ADGRV1: variants seen among roughly 807,000 people sequenced by gnomAD.
ADGRV1 encodes the protein adhesion G protein-coupled receptor V1, also known as G-protein coupled receptor 98.
In ADGRV1, 359 loss-of-function variants were observed where a neutral mutation model predicts 596.2. The ratio of observed to expected loss-of-function variants is 0.60; its 90% CI spans 0.55 to 0.66. The LOEUF (loss-of-function observed/expected upper bound fraction) is 0.66, where lower values mean the gene tolerates loss of function less well. Among genes scored for constraint, ADGRV1 ranks in the 30% least tolerant of loss-of-function variants. The probability of loss-of-function intolerance (pLI) is 0.00; values close to 1 mark genes in which losing one functional copy is unlikely to be tolerated. For missense variants in ADGRV1, 7,274 were observed against 7,575.6 expected (o/e 0.96, Z 1.48); for synonymous variants, 2,681 against 2,679.2 (o/e 1.00, Z -0.02).
chr5:90,782,352 T>C (rs1758938911), intron 65 of ADGRV1, among the ~76,000 whole-genome samples: 1 of 152,034 alleles, frequency 6.6e-6, no homozygotes, highest in African/African-American at 2.4e-5. Flanking sequence ...CTGGAAAAAA[T>C]CATATTACAT....
At chr5:91,108,358 A>T (rs1276168208) in intron 87 of ADGRV1, among the ~76,000 whole-genome samples, 1 of 152,154 alleles carries the variant, frequency 6.6e-6, no homozygotes, top group East Asian at 1.9e-4. Flanking sequence ...AACACCTGTG[A>T]CCATAAAAGC....
intron 87 of ADGRV1, among the ~76,000 whole-genome samples, chr5:91,139,014 A>AC (rs1191984501): frequency 3.3e-5 from 5 of 151,662 alleles, no homozygotes; most frequent in African/African-American, 7.3e-5. Flanking sequence ...CAAGTGATCC[A>AC]CCCCCCTTGG....
chr5:90,686,549 A>AT (rs1258215299), intron 29 of ADGRV1, among the ~76,000 whole-genome samples: 5 of 151,882 alleles, frequency 3.3e-5, no homozygotes, highest in Non-Finnish European at 7.4e-5. Context: ...TGAACTCATC[A>AT]TTTTTTATGG....
intron 70 of ADGRV1, among the ~76,000 whole-genome samples, chr5:90,794,350 T>C (rs1035502860): frequency 8.5e-5 from 13 of 152,204 alleles, no homozygotes; most frequent in African/African-American, 2.4e-4. Flanking sequence ...CAGCTGGCTT[T>C]TTTTTATGAG....
chr5:90,640,647 C>G (rs1213612523), intron 11 of ADGRV1: 1 of 152,480 alleles, frequency 6.6e-6, no homozygotes, highest in African/African-American at 2.4e-5. Context: ...TAGCATTTGT[C>G]AATAGCAAAG....
rs889711171 is a variant in ADGRV1 at position 90,918,022 on chromosome 5, G to T, written c.17857-47393G>T. Among the ~76,000 whole-genome samples, 3 of 152,036 alleles carry T rather than the reference G, an allele frequency of 2.0e-5. No homozygotes were observed. The East Asian group carries it at 5.8e-4, about 29-fold the overall frequency. On this transcript the variant is annotated intron_variant, in intron 83 of 89. Transcript: ENST00000405460. Reference sequence around the variant, plus strand: ...TTTCAAATGAGAATGAGCTGCAAAAGGATGAATACCTAATTCAAGGTTACA... The same window carrying T: ...TTTCAAATGAGAATGAGCTGCAAAATGATGAATACCTAATTCAAGGTTACA...
intron 87 of ADGRV1, among the ~76,000 whole-genome samples, chr5:91,120,112 C>T (rs778441716): frequency 2.6e-5 from 4 of 152,178 alleles, no homozygotes; most frequent in Non-Finnish European, 5.9e-5. Flanking sequence ...TTACACCAGA[C>T]GCTGCAAACT....
intron 83 of ADGRV1, among the ~76,000 whole-genome samples, chr5:90,866,193 G>A (rs750288176): frequency 1.8e-4 from 27 of 151,980 alleles, no homozygotes; most frequent in South Asian, 6.2e-4. Flanking sequence ...ACTTCCTTTT[G>A]GAGCAGTGTG....
At chr5:90,621,564 C>G (rs979235188) in intron 4 of ADGRV1, among the ~76,000 whole-genome samples, 2 of 152,178 alleles carry the variant, frequency 1.3e-5, no homozygotes, top group Non-Finnish European at 2.9e-5. Context: ...TACACTTACT[C>G]TCTGTGTATC....
chr5:90,673,975 G>A, intron 22 of ADGRV1, 79 bp from the exon 23 acceptor site: 1 of 955,056 alleles, frequency 1.0e-6, no homozygotes, highest in Non-Finnish European at 1.6e-6. Flanking sequence ...ATATAATTTA[G>A]TTGCCTTTTG....
chr5:90,693,835 T>A (rs1746807642), intron 32 of ADGRV1, 55 bp from the exon 33 acceptor site: 1 of 1,319,748 alleles, frequency 7.6e-7, no homozygotes, highest in Non-Finnish European at 1.0e-6. Flanking sequence ...CTCTTCTCTA[T>A]TTGTAATTAC....
chr5:91,087,274 C>T (rs1789959345), intron 86 of ADGRV1, among the ~76,000 whole-genome samples: 1 of 152,046 alleles, frequency 6.6e-6, no homozygotes, highest in African/African-American at 2.4e-5. Flanking sequence ...ATATGCACAA[C>T]TATATAATCT....
intron 83 of ADGRV1, among the ~76,000 whole-genome samples, chr5:90,914,622 C>T (rs751571293): frequency 6.6e-6 from 1 of 152,072 alleles, no homozygotes; most frequent in Non-Finnish European, 1.5e-5. Context: ...TTTATCTAAT[C>T]TTTAATTAAT....
At chr5:90,940,395 T>C (rs1776072096) in intron 83 of ADGRV1, among the ~76,000 whole-genome samples, 1 of 152,248 alleles carries the variant, frequency 6.6e-6, no homozygotes, top group Admixed American at 6.5e-5. Flanking sequence ...TGTGAATTTA[T>C]GAATCATCCA....
At chr5:90,611,502 C>T (rs1369911645) in intron 1 of ADGRV1, among the ~76,000 whole-genome samples, 1 of 151,850 alleles carries the variant, frequency 6.6e-6, no homozygotes, top group Non-Finnish European at 1.5e-5. Context: ...GGGAGAAGAA[C>T]ATGGATGATA....
intron 58 of ADGRV1, 120 bp from the exon 59 acceptor site, chr5:90,763,185 A>G: frequency 1.1e-6 from 1 of 907,812 alleles, no homozygotes; most frequent in South Asian, 3.6e-5. Context: ...CATGATAATT[A>G]CATGTAACAT....
At chr5:90,890,556 A>G (rs570241593) in intron 83 of ADGRV1, among the ~76,000 whole-genome samples, 19 of 152,326 alleles carry the variant, frequency 1.2e-4, no homozygotes, top group Non-Finnish European at 2.6e-4. Context: ...TTATGAAGAT[A>G]GCAGAGTAAA....
intron 1 of ADGRV1, among the ~76,000 whole-genome samples, chr5:90,559,806 ATTACT>A (rs1271126984): frequency 6.6e-6 from 1 of 152,180 alleles, no homozygotes; most frequent in African/African-American, 2.4e-5. Context: ...TGAAGTTATG[ATTACT>A]TTAAATTACT....
Position 90,928,857 on chromosome 5 carries a change from A to G in ADGRV1, c.17857-36558A>G, listed in dbSNP as rs200578199. Among the ~76,000 whole-genome samples the G allele has an allele frequency of 1.4e-3, 205 of 148,602 alleles. 1 individual carries two copies. In the East Asian group the frequency reaches 0.035, roughly 26 times the overall value. ...GTTAGTTTTCCTTCTAACAGACAGG[A>G]CCCTCAGCTGCAGGTCTGTTGGAAT... is the stretch of plus-strand genomic sequence containing the variant. On this transcript the variant is annotated intron_variant, in intron 83 of 89. Transcript: ENST00000405460.
Sources: gnomAD v4.1 joint callset for allele counts (sites outside exome capture counted in the v4.1 genomes callset) on GRCh38, gnomAD v4.1.1 for gene constraint, MANE v1.5 for transcripts, NCBI Gene and HGNC (gene_info 2026-07-23, HGNC 2026-07-21) for gene names.